NECAB3: variants seen among roughly 807,000 people sequenced by gnomAD.
NECAB3 encodes the protein N-terminal EF-hand calcium binding protein 3, also known as N-terminal EF-hand calcium-binding protein 3.
A neutral mutation model predicts 57.2 loss-of-function variants in NECAB3; 38 were observed. The observed-to-expected ratio is 0.66, with a 90% CI of 0.51 to 0.87. The LOEUF is 0.87. NECAB3 is among the 40% of genes least tolerant of loss of function. NECAB3 has a pLI of 0.00. For synonymous variants in NECAB3, 223 were observed against 222.6 expected (o/e 1.00, Z -0.02); for missense variants, 474 against 527.5 (o/e 0.90, Z 0.99).
At chr20:33,661,890 A>G (rs1364635658) in intron 5 of NECAB3, 1 of 153,300 alleles carries the variant, frequency 6.5e-6, no homozygotes, top group Non-Finnish European at 1.5e-5. Flanking sequence ...ACCTCAGGTG[A>G]TCCACCCGCC....
intron 3 of NECAB3, among the ~76,000 whole-genome samples, chr20:33,669,999 T>C (rs921176342): frequency 2.6e-5 from 4 of 152,056 alleles, no homozygotes; most frequent in African/African-American, 7.2e-5. Flanking sequence ...CAGTGAGAAG[T>C]GGTCAGAGCT....
chr20:33,674,141 G>A, intron 1 of NECAB3, 83 bp downstream of exon 1: 2 of 1,203,454 alleles, frequency 1.7e-6, no homozygotes, highest in Non-Finnish European at 2.1e-6. Context: ...AGAAACAGCG[G>A]CGGGGCCCGA....
intron 5 of NECAB3, chr20:33,666,416 G>T (rs1353737381): frequency 6.6e-6 from 1 of 152,332 alleles, no homozygotes; most frequent in African/African-American, 2.4e-5. Flanking sequence ...GCTGCGAAGT[G>T]CAGCTGCTGG....
intron 5 of NECAB3, chr20:33,662,248 T>C (rs2017499219): frequency 1.4e-6 from 2 of 1,466,188 alleles, no homozygotes; most frequent in Admixed American, 2.3e-5. Flanking sequence ...GAGCCTGCAA[T>C]TGGTGAGGTC....
chr20:33,658,083 T>TCCTG (rs1242153819), intron 10 of NECAB3, 50 bp from the exon 11 acceptor site: 1 of 1,502,448 alleles, frequency 6.7e-7, no homozygotes, highest in African/African-American at 1.4e-5. Flanking sequence ...TCCCGCCCCA[T>TCCTG]CCTGCTGCCA....
chr20:33,670,652 C>T (rs1468162762), intron 3 of NECAB3, 32 bp downstream of exon 3: 4 of 1,505,148 alleles, frequency 2.7e-6, no homozygotes, highest in African/African-American at 1.4e-5. Context: ...AACCTGGCCT[C>T]GCATCTACCC....
chr20:33,668,280 C>G, intron 5 of NECAB3: 1 of 1,541,152 alleles, frequency 6.5e-7, no homozygotes, highest in South Asian at 1.2e-5. Context: ...GGGGACAGCT[C>G]TCTATCTAAA....
intron 5 of NECAB3, among the ~76,000 whole-genome samples, chr20:33,668,795 A>C (rs1262555472): frequency 6.6e-6 from 1 of 152,218 alleles, no homozygotes; most frequent in African/African-American, 2.4e-5. Context: ...GGAGGTGGAG[A>C]TATTTCTTGA....
At chr20:33,665,505 G>C (rs2017620129) in intron 5 of NECAB3, 1 of 152,234 alleles carries the variant, frequency 6.6e-6, no homozygotes. Flanking sequence ...GCACATCCTG[G>C]GTTCCCCACA....
chr20:33,671,465 CCTGAT>C (rs1023270608), intron 2 of NECAB3, among the ~76,000 whole-genome samples: 1 of 151,934 alleles, frequency 6.6e-6, no homozygotes, highest in Non-Finnish European at 1.5e-5. Context: ...GAGCATGTGT[CCTGAT>C]CAATGGGTTG....
Position 33,657,869 on chromosome 20 carries a change from AG to A in NECAB3, c.1163-13del. 1 of 1,544,520 alleles carries A rather than the reference AG, an allele frequency of 6.5e-7. No homozygotes were observed. The highest frequency in any genetic ancestry group is 1.2e-5 in the South Asian group (1 of 83,320). On this transcript the variant is annotated splice_polypyrimidine_tract_variant and intron_variant, in intron 11 of 11. Coordinates refer to ENST00000246190, the MANE Select transcript of NECAB3 (RefSeq NM_031232.4). Reference sequence around the variant, plus strand: ...TATCCACCAGGAGGCTGGGGGTCAGAGGCAGGGGGTCAGGAGCCCTCAGGAG... The same window carrying A: ...TATCCACCAGGAGGCTGGGGGTCAGAGCAGGGGGTCAGGAGCCCTCAGGAG...
At chr20:33,667,437 C>T in intron 5 of NECAB3, 4 of 1,413,264 alleles carry the variant, frequency 2.8e-6, no homozygotes, top group East Asian at 5.5e-5. Context: ...TGGCGCCGCC[C>T]GCGGGCCGCG....
chr20:33,674,651 C>G (rs1470556955), upstream of NECAB3: 1 of 157,272 alleles, frequency 6.4e-6, no homozygotes, highest in Non-Finnish European at 1.4e-5. Flanking sequence ...GACAGGATGA[C>G]CAAGCCAGTG....
rs2017338447 is a variant in NECAB3, at chr20:33,657,968, T to C, written c.1136A>G (p.Asp379Gly). Residue 379 changes from aspartate (D) to glycine (G), a missense_variant, in exon 11 of 12, where the codon GAC becomes GGC. Asp to Gly is a moderately conservative substitution (Grantham distance 94). Coordinates refer to ENST00000246190, the MANE Select transcript of NECAB3 (RefSeq NM_031232.4). ...TGGGAAGAACACAGTGGTGAGGGTG[T>C]CCGGGGCCCGCAGGTGGTCGATGAG... ...RILIDHLRAP[D>G]TLTTVFFPAS... 5.8e-6 allele frequency: 9 copies of C among 1,557,358 alleles called. No homozygotes were observed. The South Asian group carries it at 1.1e-4, about 18-fold the overall frequency.
intron 5 of NECAB3, chr20:33,668,321 C>T: frequency 6.6e-7 from 1 of 1,508,646 alleles, no homozygotes; most frequent in Middle Eastern, 1.8e-4. Context: ...GCAGGGTCCT[C>T]CTGGAGGTTG....
chr20:33,658,796 C>A lies in NECAB3; in HGVS notation c.918G>T (p.Glu306Asp). 1 of 1,613,320 alleles carries A rather than the reference C, an allele frequency of 6.2e-7. No homozygotes were observed. Among genetic ancestry groups the A allele is most frequent in the Non-Finnish European group, 8.5e-7 (1 of 1,179,950 alleles). ...CTCGGTGGAAGTCCTGCAGGCCTTCCTCTGCCACCTGGACCTGCCTCTGGG... is the reference window on the plus strand; with the variant it reads ...CTCGGTGGAAGTCCTGCAGGCCTTCATCTGCCACCTGGACCTGCCTCTGGG... The part of the protein sequence containing the change: ...LMAQRQVQVA[E>D]EGLQDFHRAL... The change falls in exon 9 of 12, where the codon GAG (glutamate) becomes GAT (aspartate). Residue 306 changes from glutamate to aspartate, a missense_variant. Glu to Asp is a conservative substitution (Grantham distance 45). Transcript: ENST00000246190.
At chr20:33,672,463 C>T in intron 1 of NECAB3, 41 bp from the exon 2 acceptor site, 1 of 1,613,314 alleles carries the variant, frequency 6.2e-7, no homozygotes, top group African/African-American at 1.3e-5. Flanking sequence ...TGAGTGCCAC[C>T]TGGGAAGCCA....
chr20:33,668,549 C>T (rs1356195197), intron 5 of NECAB3: 1 of 309,454 alleles, frequency 3.2e-6, no homozygotes, highest in East Asian at 5.7e-5. Flanking sequence ...TCCTCCAAAC[C>T]CTCGTCATGT....
chr20:33,664,028 T>C (rs2017580838), intron 5 of NECAB3: 1 of 599,200 alleles, frequency 1.7e-6, no homozygotes, highest in Non-Finnish European at 2.7e-6. Context: ...ATCGCCACGG[T>C]CTGGAGCCAG....
Sources: allele counts gnomAD v4.1 joint callset (sites outside exome capture counted in the v4.1 genomes callset), GRCh38; gene constraint gnomAD v4.1.1; transcripts MANE v1.5; gene names NCBI Gene and HGNC (gene_info 2026-07-23, HGNC 2026-07-21).